Variants in ACTG2 observed in about 807,000 individuals in gnomAD.
The protein encoded by ACTG2 is actin gamma 2, smooth muscle.
In ACTG2, 16 loss-of-function variants were observed where a neutral mutation model predicts 37.6. That is an observed-to-expected ratio of 0.43 (90% confidence interval 0.29 to 0.65). The LOEUF (loss-of-function observed/expected upper bound fraction) is 0.65, where lower values mean the gene tolerates loss of function less well. Ranked by LOEUF, ACTG2 falls within the 30% of genes least tolerant of loss-of-function variation. The probability of loss-of-function intolerance (pLI) is 0.18; values close to 1 mark genes in which losing one functional copy is unlikely to be tolerated. For missense variants in ACTG2, 238 were observed against 490.9 expected (o/e 0.48, Z 4.87); for synonymous variants, 181 against 179.9 (o/e 1.01, Z -0.05).
intron 5 of ACTG2, among the ~76,000 whole-genome samples, chr2:73,911,155 T>G (rs1680127009): frequency 6.6e-6 from 1 of 152,204 alleles, no homozygotes; most frequent in South Asian, 2.1e-4. Context: ...AGTCAACTTT[T>G]TATTTAATAA....
At chr2:73,909,022 CA>C (rs749600542) in intron 4 of ACTG2, 32 bp from the exon 5 acceptor site, 2 of 1,602,188 alleles carry the variant, frequency 1.2e-6, no homozygotes, top group Admixed American at 1.7e-5. Context: ...TGATTTTTGC[CA>C]AATAATCTTT....
chr2:73,918,472 T>C (rs1680316135), intron 8 of ACTG2, among the ~76,000 whole-genome samples: 3 of 152,160 alleles, frequency 2.0e-5, no homozygotes, highest in Admixed American at 2.0e-4. Context: ...ATTCTACAAT[T>C]CCATGATCTC....
rs540620186 is a variant in ACTG2, at chr2:73,901,608, G to A, written c.126+171G>A. The A allele has an allele frequency of 2.0e-5, 22 of 1,113,438 alleles. 2 individuals carry two copies. In the Admixed American group the frequency reaches 3.2e-4, roughly 16 times the overall value. 69.0% of individuals were successfully genotyped at this position (1,113,438 alleles called of 1,614,324 possible). A position where few individuals can be genotyped will look rare whatever the true frequency, so the allele number is the denominator to read the frequency against. Reference sequence around the variant, plus strand: ...TGTGCGTGTGTGTGTGTGTGTGTCTGTGCATGCACATGCGTGTGTGCACGC... The same window carrying A: ...TGTGCGTGTGTGTGTGTGTGTGTCTATGCATGCACATGCGTGTGTGCACGC... On this transcript the variant is annotated intron_variant, in intron 2 of 8. Transcript: ENST00000345517.
rs373948665 is a variant in ACTG2, at chr2:73,901,631, C to T, written c.126+194C>T. 304 of 1,013,332 alleles carry T rather than the reference C, an allele frequency of 3.0e-4. 4 individuals carry two copies. In the African/African-American group the frequency reaches 4.5e-3, roughly 15 times the overall value. The allele number at this position is 1,013,332 out of a possible 1,614,324, so 62.8% of individuals were successfully genotyped here. On this transcript the variant is annotated intron_variant, in intron 2 of 8. Transcript: ENST00000345517. ...CTGTGCATGCACATGCGTGTGTGCA[C>T]GCCAGGTGTAGGGAGTTCTTTTCTG...
At chr2:73,895,709 A>T (rs760444493) in intron 1 of ACTG2, among the ~76,000 whole-genome samples, 61 of 152,254 alleles carry the variant, frequency 4.0e-4, no homozygotes, top group Non-Finnish European at 8.5e-4. Context: ...GAAATGGATC[A>T]TTCAATTCCT....
At chr2:73,896,347 CAAAAA>C (rs59825980) in intron 1 of ACTG2, among the ~76,000 whole-genome samples, 5 of 125,252 alleles carry the variant, frequency 4.0e-5, no homozygotes, top group Non-Finnish European at 3.3e-5. Flanking sequence ...CCCAGTATCT[CAAAAA>C]AAAAAAAAAA....
At chr2:73,895,320 C>T (rs960227251) in intron 1 of ACTG2, among the ~76,000 whole-genome samples, 3 of 152,028 alleles carry the variant, frequency 2.0e-5, no homozygotes, top group East Asian at 1.9e-4. Flanking sequence ...AAGGCACCCA[C>T]GACAGATTGT....
At chr2:73,903,430 C>G (rs1726024) in intron 3 of ACTG2, among the ~76,000 whole-genome samples, 83,649 of 152,088 alleles carry the variant, frequency 0.55, 23,577 homozygotes, top group Admixed American at 0.65. Context: ...GGTAAGAGCA[C>G]AGACATTAGA....
At chr2:73,901,023 C>T (rs893436301) in intron 1 of ACTG2, among the ~76,000 whole-genome samples, 2 of 152,148 alleles carry the variant, frequency 1.3e-5, no homozygotes, top group African/African-American at 2.4e-5. Flanking sequence ...CTTTAAAGAC[C>T]CTATCTCCAA....
At chr2:73,897,181 T>C (rs1558620481) in intron 1 of ACTG2, 1 of 152,284 alleles carries the variant, frequency 6.6e-6, no homozygotes, top group Non-Finnish European at 1.5e-5. Flanking sequence ...AGTCGCCTTG[T>C]GGCTTCTCTG....
chr2:73,904,771 GTGTGTGTA>G (rs1473436909), intron 3 of ACTG2, among the ~76,000 whole-genome samples: 12 of 20,070 alleles, frequency 6.0e-4, no homozygotes, highest in Non-Finnish European at 1.3e-3. Context: ...GTGTGTGTGT[GTGTGTGTA>G]TATATATATA....
intron 1 of ACTG2, among the ~76,000 whole-genome samples, chr2:73,895,621 A>G (rs946065512): frequency 1.3e-5 from 2 of 152,224 alleles, no homozygotes; most frequent in Non-Finnish European, 2.9e-5. Flanking sequence ...CCCTCCGTTT[A>G]GGCCTAACAC....
chr2:73,902,018 C>CGTGTGTGTGTGT (rs71245662), intron 2 of ACTG2, among the ~76,000 whole-genome samples: 249 of 146,444 alleles, frequency 1.7e-3, no homozygotes, highest in South Asian at 7.6e-3. Context: ...GCATACAAGT[C>CGTGTGTGTGTGT]GTGTGTGTGT....
At chr2:73,894,691 A>G (rs1004322086) in intron 1 of ACTG2, among the ~76,000 whole-genome samples, 8 of 151,514 alleles carry the variant, frequency 5.3e-5, no homozygotes, top group African/African-American at 1.9e-4. Context: ...GACTTCCTGG[A>G]GGAAGAGGTG....
chr2:73,910,639 C>T lies in ACTG2; in HGVS notation c.451+1500C>T, dbSNP rs1214050409. ...TCAAACTCCCAAGTAGCTGGGACTACAGGAGCGTGCCACCATGCCTGGCTT... is the reference window on the plus strand; with the variant it reads ...TCAAACTCCCAAGTAGCTGGGACTATAGGAGCGTGCCACCATGCCTGGCTT... On this transcript the variant is annotated intron_variant, in intron 5 of 8. Coordinates refer to ENST00000345517, the MANE Select transcript of ACTG2 (RefSeq NM_001615.4). Among the ~76,000 whole-genome samples the T allele has an allele frequency of 2.7e-5, 4 of 149,416 alleles. No homozygotes were observed. The East Asian group carries it at 7.9e-4, about 29-fold the overall frequency.
intron 8 of ACTG2, among the ~76,000 whole-genome samples, chr2:73,917,527 C>T (rs1261096302): frequency 1.3e-5 from 2 of 152,214 alleles, no homozygotes; most frequent in South Asian, 2.1e-4. Context: ...GTCACACAGA[C>T]ATTTTTAGCT....
At chr2:73,910,364 A>ATTT (rs1680103073) in intron 5 of ACTG2, among the ~76,000 whole-genome samples, 2 of 81,536 alleles carry the variant, frequency 2.5e-5, no homozygotes, top group Non-Finnish European at 5.3e-5. Flanking sequence ...TCTTTTTTCG[A>ATTT]CTTTTTTTTT....
At chr2:73,906,483 A>AATAAATAAATACATAC (rs142230122) in intron 3 of ACTG2, among the ~76,000 whole-genome samples, 1 of 149,998 alleles carries the variant, frequency 6.7e-6, no homozygotes, top group South Asian at 2.1e-4. Context: ...TAAATAAATA[A>AATAAATAAATACATAC]ATACATAAAA....
rs2104821099 is a variant in ACTG2 at position 73,913,583 on chromosome 2, C to T, written c.550C>T (p.Arg184Cys). The T allele has an allele frequency of 1.2e-6, 2 of 1,613,922 alleles. No individual in the cohort carries two copies. The highest frequency in any genetic ancestry group is 1.1e-5 in the South Asian group (1 of 90,990). The change falls in exon 6 of 9, where the codon CGT (arginine) becomes TGT (cysteine). Residue 184 changes from arginine to cysteine, a missense_variant. Arg to Cys is a radical substitution (Grantham distance 180). Coordinates refer to ENST00000345517, the MANE Select transcript of ACTG2 (RefSeq NM_001615.4). Reference sequence around the variant, plus strand: ...CATCATGCGCCTGGACTTGGCTGGCCGTGACCTCACGGACTACCTCATGAA... The same window carrying T: ...CATCATGCGCCTGGACTTGGCTGGCTGTGACCTCACGGACTACCTCATGAA... ...HAIMRLDLAG[R>C]DLTDYLMKIL... is the part of the protein sequence containing the mutation.
Sources: gnomAD v4.1 joint callset for allele counts (sites outside exome capture counted in the v4.1 genomes callset) on GRCh38, gnomAD v4.1.1 for gene constraint, MANE v1.5 for transcripts, NCBI Gene and HGNC (gene_info 2026-07-23, HGNC 2026-07-21) for gene names.